Variants in AXDND1 observed in about 807,000 individuals in gnomAD.
AXDND1 encodes axonemal dynein light chain domain containing 1, also known as axonemal dynein light chain domain-containing protein 1.
Under a neutral mutation model 137.5 loss-of-function variants are expected in AXDND1, and 110 were observed. That is an observed-to-expected ratio of 0.80 (90% confidence interval 0.69 to 0.94). The LOEUF (loss-of-function observed/expected upper bound fraction) is 0.94. Ranked by LOEUF, AXDND1 falls within the 40% of genes least tolerant of loss-of-function variation. AXDND1 has a pLI of 0.00. For synonymous variants in AXDND1, 414 were observed against 399.7 expected, an observed-to-expected ratio of 1.04 and a Z score of -0.43; for missense variants, 1,191 against 1,169.8, an observed-to-expected ratio of 1.02 and a Z score of -0.26.
chr1:179,422,284 T>C (rs1358536359), intron 12 of AXDND1, among the ~76,000 whole-genome samples: 2 of 145,108 alleles, frequency 1.4e-5, no homozygotes, highest in East Asian at 4.0e-4. Context: ...TAAACTTATC[T>C]GTTCATACTG....
rs755286157 is a variant in AXDND1, at chr1:179,534,923, G to A, written c.2992G>A (p.Val998Ile). Residue 998 changes from valine (V) to isoleucine (I), a missense_variant, in exon 25 of 26, where the codon GTC (valine) becomes ATC (isoleucine). By Grantham distance (29) the Val-to-Ile change is conservative. Transcript: ENST00000367618. ...EEEEQQEEEEVRSAENSSKSP... is the reference protein window; with the variant it reads ...EEEEQQEEEEIRSAENSSKSP... ...AGAAGAACAACAAGAAGAAGAAGAA[G>A]TCAGGTCAGCAGAAAATTCCTCAAA... 24 of 1,608,512 alleles carry A rather than the reference G, an allele frequency of 1.5e-5. No individual in the cohort carries two copies. Among genetic ancestry groups the A allele is most frequent in the Non-Finnish European group, 2.0e-5 (24 of 1,178,780 alleles).
At chr1:179,468,006 A>C (rs937355439) in intron 16 of AXDND1, among the ~76,000 whole-genome samples, 2 of 152,186 alleles carry the variant, frequency 1.3e-5, no homozygotes, top group Admixed American at 6.5e-5. Flanking sequence ...CTGATCAATA[A>C]CCTAAAAAAT....
intron 11 of AXDND1, among the ~76,000 whole-genome samples, chr1:179,396,744 T>A (rs1651139819): frequency 6.6e-6 from 1 of 152,218 alleles, no homozygotes; most frequent in Admixed American, 6.5e-5. Context: ...ATTTCTGCAC[T>A]ATAATATTAA....
At position 179,370,072 on chromosome 1, in the gene AXDND1, C is replaced by T. The variant is rs971063170; in HGVS notation, c.368C>T (p.Ala123Val). 6.2e-7 allele frequency: 1 copy of T among 1,608,344 alleles called. No individual in the cohort carries two copies. Among genetic ancestry groups the T allele is most frequent in the Non-Finnish European group, 8.5e-7 (1 of 1,175,262 alleles). Reference protein sequence around the residue: ...LIDHPVSLTGAGRDISFLYDV... With the variant: ...LIDHPVSLTGVGRDISFLYDV... ...GACCATCCCGTCTCCCTCACAGGAG[C>T]TGGAAGGTAAAGAAGGAAGATAGTA... The change falls in exon 4 of 26, where the codon GCT becomes GTT. Residue 123 changes from alanine to valine, a missense_variant. Transcript: ENST00000367618.
chr1:179,525,217 T>A (rs1310651882), intron 21 of AXDND1, 117 bp from the exon 22 acceptor site: 2 of 1,029,110 alleles, frequency 1.9e-6, no homozygotes, highest in East Asian at 5.9e-5. Context: ...TCAACCTTTG[T>A]ATCCTTGTCA....
intron 3 of AXDND1, 46 bp downstream of exon 3, chr1:179,369,018 G>A: frequency 6.7e-7 from 1 of 1,500,828 alleles, no homozygotes; most frequent in Non-Finnish European, 9.1e-7. Flanking sequence ...TATTTTTTGG[G>A]CATCTGATTA....
chr1:179,519,660 C>T (rs4651040), intron 21 of AXDND1, among the ~76,000 whole-genome samples: 133,615 of 152,192 alleles, frequency 0.88, 58,829 homozygotes, highest in East Asian at 0.96. Context: ...TTCCCTATTG[C>T]TTGTTTTTGT....
chr1:179,512,688 T>C (rs1669171343), intron 21 of AXDND1, among the ~76,000 whole-genome samples: 1 of 152,228 alleles, frequency 6.6e-6, no homozygotes, highest in African/African-American at 2.4e-5. Flanking sequence ...ATTCTACTCA[T>C]CCGTGAGCTT....
rs72719298 is a variant in AXDND1, at chr1:179,469,517, T to C, written c.1997+876T>C. On this transcript the variant is annotated intron_variant, in intron 17 of 25. Transcript: ENST00000367618. ...GACAAACATTTGTTTTCATTTCTCTTTGGGTATATATCACCTAAGGAGTGG... is the reference window on the plus strand; with the variant it reads ...GACAAACATTTGTTTTCATTTCTCTCTGGGTATATATCACCTAAGGAGTGG... Among the ~76,000 whole-genome samples, 482 of 152,316 alleles carry C rather than the reference T, an allele frequency of 3.2e-3. 4 individuals are homozygous for C. Among genetic ancestry groups the C allele is most frequent in the Middle Eastern group, 0.024 (7 of 294 alleles).
chr1:179,383,093 C>T (rs1648640822), intron 7 of AXDND1, among the ~76,000 whole-genome samples: 1 of 151,788 alleles, frequency 6.6e-6, no homozygotes, highest in Admixed American at 6.6e-5. Flanking sequence ...CCCTTTTCTT[C>T]TCTCACATTG....
chr1:179,394,281 T>G (rs1374319341), intron 10 of AXDND1, among the ~76,000 whole-genome samples: 2 of 152,198 alleles, frequency 1.3e-5, no homozygotes, highest in African/African-American at 2.4e-5. Flanking sequence ...GGAAAAGACT[T>G]ACTCTTTCTT....
At chr1:179,382,334 G>A (rs1358839911) in intron 6 of AXDND1, among the ~76,000 whole-genome samples, 2 of 152,152 alleles carry the variant, frequency 1.3e-5, no homozygotes, top group African/African-American at 4.8e-5. Flanking sequence ...GCCCGCCTCA[G>A]CCTCCCAAAG....
In AXDND1 at chr1:179,411,310, A is replaced by G. The variant is rs766234908; in HGVS notation, c.1230+44A>G. 1.1e-5 allele frequency: 17 copies of G among 1,593,236 alleles called. No individual in the cohort carries two copies. In the Admixed American group the frequency reaches 2.2e-4, roughly 21 times the overall value. On this transcript the variant is annotated intron_variant, in intron 12 of 25. Transcript: ENST00000367618. ...ACAACTCACACTTCTTTTTTGGCTA[A>G]AGATTCATTCTACAGTTTTAAAATT... is the stretch of plus-strand genomic sequence containing the variant.
At chr1:179,484,194 G>A (rs1163438574) in intron 18 of AXDND1, among the ~76,000 whole-genome samples, 1 of 152,172 alleles carries the variant, frequency 6.6e-6, no homozygotes, top group African/African-American at 2.4e-5. Flanking sequence ...GATATCCCAG[G>A]ACCCCCACAG....
rs370621221 is a variant in AXDND1, at chr1:179,415,512, T to C, written c.1230+4246T>C. Reference sequence around the variant, plus strand: ...AAATAGTAGCTTTTGTGACATATAATTCACCCAATTAAAGTGTACAATTAT... The same window carrying C: ...AAATAGTAGCTTTTGTGACATATAACTCACCCAATTAAAGTGTACAATTAT... On this transcript the variant is annotated intron_variant, in intron 12 of 25. Coordinates refer to ENST00000367618, the MANE Select transcript of AXDND1 (RefSeq NM_144696.6). 5.3e-4 allele frequency among the ~76,000 whole-genome samples: 80 copies of C among 152,338 alleles called. 2 individuals carry two copies. In the South Asian group the frequency reaches 0.016, roughly 30 times the overall value.
intron 17 of AXDND1, among the ~76,000 whole-genome samples, chr1:179,471,586 C>G (rs994034797): frequency 3.3e-5 from 5 of 152,106 alleles, no homozygotes; most frequent in African/African-American, 1.2e-4. Flanking sequence ...ATAATTTGAG[C>G]CTTCTCTATT....
At position 179,534,946 on chromosome 1, in the gene AXDND1, A is replaced by G. The variant is rs747389422; in HGVS notation, c.3015A>G (p.Ser1005=). ...AAGTCAGGTCAGCAGAAAATTCCTC[A>G]AAATCTCCAAAGAAAGGTAAGGATT... ...EEEVRSAENS[S]KSPKKGH The change falls in exon 25 of 26, where the codon TCA becomes TCG. Residue 1005 remains serine, a synonymous_variant. Transcript: ENST00000367618. 1.2e-6 allele frequency: 2 copies of G among 1,605,130 alleles called. No individual in the cohort carries two copies. Among genetic ancestry groups the G allele is most frequent in the East Asian group, 2.2e-5 (1 of 44,774 alleles).
intron 16 of AXDND1, chr1:179,456,862 C>G: frequency 2.4e-6 from 2 of 836,652 alleles, no homozygotes; most frequent in Non-Finnish European, 4.1e-6. Context: ...ACAGTTTTAT[C>G]CATGGAGTTA....
At chr1:179,468,865 C>T (rs914196810) in intron 17 of AXDND1, 4 of 333,060 alleles carry the variant, frequency 1.2e-5, no homozygotes, top group South Asian at 8.9e-5. Flanking sequence ...CCTCTCCTAC[C>T]GTCCTACCCC....
Sources: allele counts gnomAD v4.1 joint callset (sites outside exome capture counted in the v4.1 genomes callset), GRCh38; gene constraint gnomAD v4.1.1; transcripts MANE v1.5; gene names NCBI Gene and HGNC (gene_info 2026-07-23, HGNC 2026-07-21).